The following POLE2 variants were observed in gnomAD, a reference collection of about 807,000 sequenced individuals.
POLE2 encodes DNA polymerase epsilon subunit 2.
Under a neutral mutation model 79.4 loss-of-function variants are expected in POLE2, and 56 were observed. The observed-to-expected ratio is 0.71, with a 90% CI of 0.57 to 0.88. The LOEUF is 0.88. POLE2 is among the 40% of genes least tolerant of loss of function. The probability of loss-of-function intolerance (pLI) is 0.00; values close to 1 mark genes in which losing one functional copy is unlikely to be tolerated. For synonymous variants in POLE2, 212 were observed against 214.0 expected, an observed-to-expected ratio of 0.99 and a Z score of 0.08; for missense variants, 598 against 638.9, an observed-to-expected ratio of 0.94 and a Z score of 0.69.
intron 17 of POLE2, among the ~76,000 whole-genome samples, chr14:49,648,693 T>C (rs1883962774): frequency 6.6e-6 from 1 of 152,214 alleles, no homozygotes; most frequent in African/African-American, 2.4e-5. Context: ...CCAGGGATGC[T>C]GCTAAACAGC....
chr14:49,646,629 T>G lies in POLE2; in HGVS notation c.1565+664A>C, dbSNP rs150349516. 3 of 152,314 alleles carry G rather than the reference T, an allele frequency of 2.0e-5. 1 individual carries two copies. In the South Asian group the frequency reaches 6.2e-4, roughly 32 times the overall value. The allele number at this position is 152,314 out of a possible 1,614,324, so 9.4% of individuals were successfully genotyped here. A position where few individuals can be genotyped will look rare whatever the true frequency, so the allele number is the denominator to read the frequency against. Reference sequence around the variant, plus strand: ...AGCCACCGTGCCCTGCCTGGGCACTTGTTCTTAACCAGTGGTGGGAACTTT... The same window carrying G: ...AGCCACCGTGCCCTGCCTGGGCACTGGTTCTTAACCAGTGGTGGGAACTTT... On this transcript the variant is annotated intron_variant, in intron 18 of 18. Transcript: ENST00000216367.
rs762726338 is a variant in POLE2, at chr14:49,665,677, GTTTT to G, written c.577-518_577-515del. ...GAGAAAAGGTTTTTGTTTTTTCTGG[GTTTT>G]TTTTTTTTTTTTTTACTATTACAAA... On this transcript the variant is annotated intron_variant, in intron 7 of 18. Transcript: ENST00000216367. 4.4e-3 allele frequency among the ~76,000 whole-genome samples: 579 copies of G among 132,550 alleles called. 5 individuals carry two copies. Among genetic ancestry groups the G allele is most frequent in the South Asian group, 7.7e-3 (32 of 4,164 alleles). 87.0% of individuals were successfully genotyped at this position (132,550 alleles called of 152,430 possible).
Position 49,649,137 on chromosome 14 carries a change from C to CTT in POLE2, c.1497+1126_1497+1127dup, listed in dbSNP as rs374201091. ...CAAAAAGTCAATTATATTTCTTTCC[C>CTT]TTTTTTTTTTTTTTTTTTTTTTTTT... On this transcript the variant is annotated intron_variant, in intron 17 of 18. Transcript: ENST00000216367. Among the ~76,000 whole-genome samples, 823 of 108,784 alleles carry CTT rather than the reference C, an allele frequency of 7.6e-3. 104 individuals are homozygous for CTT. The highest frequency in any genetic ancestry group is 0.025 in the African/African-American group (613 of 24,636). 71.4% of individuals were successfully genotyped at this position (108,784 alleles called of 152,430 possible). A position where few individuals can be genotyped will look rare whatever the true frequency, so the allele number is the denominator to read the frequency against.
At chr14:49,664,059 A>G (rs551153778) in intron 9 of POLE2, among the ~76,000 whole-genome samples, 9 of 140,232 alleles carry the variant, frequency 6.4e-5, no homozygotes, top group Middle Eastern at 4.1e-3. Flanking sequence ...AAAAAAGTAT[A>G]TAATTCAGGC....
At chr14:49,687,535 G>C (rs942065280) in intron 1 of POLE2, among the ~76,000 whole-genome samples, 1 of 152,054 alleles carries the variant, frequency 6.6e-6, no homozygotes, top group African/African-American at 2.4e-5. Flanking sequence ...GAGCCTGAGA[G>C]CTGTCCAGGT....
chr14:49,650,470 T>A (rs1260538845), intron 16 of POLE2, 29 bp from the exon 17 acceptor site: 1 of 1,349,368 alleles, frequency 7.4e-7, no homozygotes, highest in Non-Finnish European at 9.7e-7. Context: ...CAAAGCAAAC[T>A]TCAGTTCATT....
chr14:49,679,735 C>T lies in POLE2; in HGVS notation c.235G>A (p.Asp79Asn). 6.3e-7 allele frequency: 1 copy of T among 1,589,074 alleles called. No homozygotes were observed. The highest frequency in any genetic ancestry group is 8.6e-7 in the Non-Finnish European group (1 of 1,157,532). Residue 79 changes from aspartate to asparagine, a missense_variant, in exon 3 of 19, where the codon GAT becomes AAT. Asp to Asn is a conservative substitution (Grantham distance 23). Transcript: ENST00000216367. ...ACTGTACCCACATACATAGTTTCAT[C>T]AACAGACTGACTGCATTCCTGGACT... The part of the protein sequence containing the change: ...AAVQECSQSV[D>N]ETIEHVFNII...
chr14:49,654,044 G>A lies in POLE2; in HGVS notation c.1157C>T (p.Thr386Ile), dbSNP rs775660376. The change falls in exon 15 of 19, where the codon ACT becomes ATT. Residue 386 changes from threonine to isoleucine, a missense_variant. Coordinates refer to ENST00000216367, the MANE Select transcript of POLE2 (RefSeq NM_002692.4). ...TGGTACCCTTTGTCTGAATTCATTA[G>A]TGATGCTTTCAGCAAGTGGTGGCCT... ...LPRPPLAESI[T>I]NEFRQRVPFS... is the part of the protein sequence containing the mutation. 1 of 1,601,000 alleles carries A rather than the reference G, an allele frequency of 6.2e-7. No individual in the cohort carries two copies. The highest frequency in any genetic ancestry group is 1.1e-5 in the South Asian group (1 of 90,702).
At chr14:49,680,792 C>T (rs1886645907) in intron 2 of POLE2, among the ~76,000 whole-genome samples, 1 of 150,426 alleles carries the variant, frequency 6.6e-6, no homozygotes, top group Non-Finnish European at 1.5e-5. Flanking sequence ...CTCGCTCTGT[C>T]AGCTAATTTT....
At chr14:49,682,347 G>T (rs905034288) in intron 2 of POLE2, among the ~76,000 whole-genome samples, 3 of 148,672 alleles carry the variant, frequency 2.0e-5, no homozygotes, top group Non-Finnish European at 4.5e-5. Flanking sequence ...TTGTATCAAT[G>T]TCTATTTTCA....
At chr14:49,657,391 T>TCC (rs1323983440) in intron 10 of POLE2, among the ~76,000 whole-genome samples, 1 of 151,744 alleles carries the variant, frequency 6.6e-6, no homozygotes, top group Non-Finnish European at 1.5e-5. Context: ...AAAGAAACTC[T>TCC]CCAGATATAC....
Position 49,677,604 on chromosome 14 carries a change from G to GT in POLE2, c.245+2120dup, listed in dbSNP as rs1214551844. The stretch of plus-strand genomic sequence containing the variant: ...TAGAGCTCTTCCCTGAGCAGTCACT[G>GT]TGTCATTGATGAACAGACTGATGTC... On this transcript the variant is annotated intron_variant, in intron 3 of 18. Transcript: ENST00000216367. 2.4e-4 allele frequency: 131 copies of GT among 544,620 alleles called. 1 individual carries two copies. Among genetic ancestry groups the GT allele is most frequent in the South Asian group, 6.8e-4 (26 of 38,378 alleles). 33.7% of individuals were successfully genotyped at this position (544,620 alleles called of 1,614,324 possible).
intron 15 of POLE2, among the ~76,000 whole-genome samples, chr14:49,651,655 G>A (rs145962777): frequency 3.3e-5 from 5 of 152,016 alleles, no homozygotes; most frequent in Admixed American, 2.0e-4. Flanking sequence ...AATAAAAAGC[G>A]AACATAATCA....
intron 4 of POLE2, 48 bp from the exon 5 acceptor site, chr14:49,674,264 G>T: frequency 6.7e-7 from 1 of 1,482,424 alleles, no homozygotes; most frequent in Non-Finnish European, 9.4e-7. Context: ...ACACAAAGGT[G>T]AGCCAAAAGT....
Position 49,664,701 on chromosome 14 carries a change from C to A in POLE2, c.634-27G>T, listed in dbSNP as rs765458734. ...TACACAACAGTTGAGGAAAATAATTCTATTCTTGAGGCAGTAATAAAGTCA... is the reference window on the plus strand; with the variant it reads ...TACACAACAGTTGAGGAAAATAATTATATTCTTGAGGCAGTAATAAAGTCA... On this transcript the variant is annotated intron_variant, in intron 8 of 18. Transcript: ENST00000216367. 7 of 1,446,356 alleles carry A rather than the reference C, an allele frequency of 4.8e-6. No individual in the cohort carries two copies. In the South Asian group the frequency reaches 8.1e-5, roughly 17 times the overall value. 89.6% of individuals were successfully genotyped at this position (1,446,356 alleles called of 1,614,324 possible). A position where few individuals can be genotyped will look rare whatever the true frequency, so the allele number is the denominator to read the frequency against.
intron 10 of POLE2, among the ~76,000 whole-genome samples, chr14:49,659,840 C>T (rs2139637487): frequency 6.6e-6 from 1 of 152,282 alleles, no homozygotes; most frequent in East Asian, 1.9e-4. Context: ...TCCCTTCAGC[C>T]TCCCAAAGTG....
rs1049392984 is a variant in POLE2, at chr14:49,652,311, A to G, written c.1212-934T>C. On this transcript the variant is annotated intron_variant, in intron 15 of 18. Transcript: ENST00000216367. The stretch of plus-strand genomic sequence containing the variant: ...AAAAAAAAAAAAAAAAAAAAAAAAA[A>G]GAATAGAATACGGAGGGGAAGGAGT... Among the ~76,000 whole-genome samples, 69 of 140,898 alleles carry G rather than the reference A, an allele frequency of 4.9e-4. 4 individuals carry two copies. In the East Asian group the frequency reaches 0.017, roughly 35 times the overall value. The allele number at this position is 140,898 out of a possible 152,430, so 92.4% of individuals were successfully genotyped here.
chr14:49,683,443 A>AC (rs1296530959), intron 2 of POLE2, 150 bp downstream of exon 2: 2 of 471,782 alleles, frequency 4.2e-6, no homozygotes. Context: ...TAAAGGTATT[A>AC]CCCCTTGGGA....
chr14:49,644,461 G>A (rs949167929), intron 18 of POLE2, among the ~76,000 whole-genome samples: 4 of 150,396 alleles, frequency 2.7e-5, no homozygotes, highest in Non-Finnish European at 5.9e-5. Flanking sequence ...AGTGAGCTGA[G>A]ATTGCGCCAT....
Sources: gnomAD v4.1 joint callset for allele counts (sites outside exome capture counted in the v4.1 genomes callset) on GRCh38, gnomAD v4.1.1 for gene constraint, MANE v1.5 for transcripts, NCBI Gene and HGNC (gene_info 2026-07-23, HGNC 2026-07-21) for gene names.